The following AHSG variants were observed in gnomAD, a reference collection of about 807,000 sequenced individuals.
AHSG encodes the protein alpha-2-HS-glycoprotein.
In AHSG, 23 loss-of-function variants were observed where a neutral mutation model predicts 30.1. The ratio of observed to expected loss-of-function variants is 0.76; its 90% confidence interval spans 0.55 to 1.08. The LOEUF is 1.08. AHSG is among the 50% of genes least tolerant of loss of function. The pLI, the probability that AHSG is intolerant of heterozygous loss-of-function variation, is 0.00. For synonymous variants in AHSG, 164 were observed against 186.3 expected, an observed-to-expected ratio of 0.88 and a Z score of 0.98; for missense variants, 469 against 459.5, an observed-to-expected ratio of 1.02 and a Z score of -0.19.
At position 186,617,580 on chromosome 3, in the gene AHSG, G is replaced by C. The variant is rs140201269; in HGVS notation, c.573+230G>C. 409 of 738,178 alleles carry C rather than the reference G, an allele frequency of 5.5e-4. 1 individual carries two copies. The African/African-American group carries it at 6.7e-3, about 12-fold the overall frequency. 45.7% of individuals were successfully genotyped at this position (738,178 alleles called of 1,614,324 possible). ...CTCCCCCATGCTGAGCCACTGTAAC[G>C]TCCAGCAGCCACAGCTGCCGGCAGG... On this transcript the variant is annotated intron_variant, in intron 4 of 6. Transcript: ENST00000411641.
intron 3 of AHSG, among the ~76,000 whole-genome samples, chr3:186,616,750 A>T (rs762219044): frequency 2.6e-5 from 4 of 152,144 alleles, no homozygotes; most frequent in African/African-American, 9.7e-5. Context: ...CAGGTGGATC[A>T]CCTGAAGTCA....
chr3:186,620,454 T>C lies in AHSG; in HGVS notation c.760-132T>C, dbSNP rs77488848. 6.9e-4 allele frequency: 572 copies of C among 830,542 alleles called. 6 individuals are homozygous for C. In the Admixed American group the frequency reaches 0.01, roughly 15 times the overall value. The allele number at this position is 830,542 out of a possible 1,614,324, so 51.4% of individuals were successfully genotyped here. A position where few individuals can be genotyped will look rare whatever the true frequency, so the allele number is the denominator to read the frequency against. On this transcript the variant is annotated intron_variant, in intron 6 of 6. Coordinates refer to ENST00000411641, the MANE Select transcript of AHSG (RefSeq NM_001622.4). Reference sequence around the variant, plus strand: ...CAATCCCTTGTACTTGGGTAGGTCCTTTCTTGCTAGACTCTTTGCAAATAA... The same window carrying C: ...CAATCCCTTGTACTTGGGTAGGTCCCTTCTTGCTAGACTCTTTGCAAATAA...
At position 186,620,929 on chromosome 3, in the gene AHSG, A is replaced by G; in HGVS notation, c.1103A>G (p.Ter368TrpextTer70). 6.2e-7 allele frequency: 1 copy of G among 1,606,088 alleles called. No homozygotes were observed. Among genetic ancestry groups the G allele is most frequent in the Non-Finnish European group, 8.5e-7 (1 of 1,173,408 alleles). The change falls in exon 7 of 7, where the codon TAG becomes TGG. Residue 368 changes from the stop codon to tryptophan, a stop_lost. Coordinates refer to ENST00000411641, the MANE Select transcript of AHSG (RefSeq NM_001622.4). The part of the protein sequence containing the change: ...CPGRIRHFKV[*>W] ...GGGAGGATCAGACACTTCAAGGTCT[A>G]GGCTAGACATGGCAGAGATGAGGAG...
In AHSG at chr3:186,613,495, G is replaced by T. The variant is rs543877818; in HGVS notation, c.213+141G>T. 4 of 802,062 alleles carry T rather than the reference G, an allele frequency of 5.0e-6. No homozygotes were observed. In the African/African-American group the frequency reaches 5.2e-5, roughly 10 times the overall value. 49.7% of individuals were successfully genotyped at this position (802,062 alleles called of 1,614,324 possible). On this transcript the variant is annotated intron_variant, in intron 1 of 6. Transcript: ENST00000411641. Reference sequence around the variant, plus strand: ...ATTTCTTCCCAGGAGTGAGGGAAGGGGCAGGCAGAGGGCAGGAGAGGAGAC... The same window carrying T: ...ATTTCTTCCCAGGAGTGAGGGAAGGTGCAGGCAGAGGGCAGGAGAGGAGAC...
intron 4 of AHSG, chr3:186,617,974 C>G: frequency 6.3e-6 from 1 of 159,364 alleles, no homozygotes; most frequent in Non-Finnish European, 1.4e-5. Flanking sequence ...ATTCTCAGAA[C>G]ATCCCCACCC....
chr3:186,615,221 A>T (rs1437454439), intron 1 of AHSG, among the ~76,000 whole-genome samples: 2 of 152,150 alleles, frequency 1.3e-5, no homozygotes, highest in East Asian at 1.9e-4. Flanking sequence ...AGAGGAGATT[A>T]AAAAAAGACA....
At chr3:186,617,806 G>A (rs750856057) in intron 4 of AHSG, 2 of 243,510 alleles carry the variant, frequency 8.2e-6, no homozygotes, top group South Asian at 5.1e-5. Context: ...AATGCCTTTC[G>A]AGTCACTGGA....
At chr3:186,620,508 CA>C (rs1716447364) in intron 6 of AHSG, 77 bp from the exon 7 acceptor site, 1 of 1,261,578 alleles carries the variant, frequency 7.9e-7, no homozygotes, top group Admixed American at 2.2e-5. Context: ...AATTGGGTGC[CA>C]GTGCCACCTG....
intron 1 of AHSG, among the ~76,000 whole-genome samples, chr3:186,614,454 T>C (rs761474241): frequency 6.6e-6 from 1 of 152,194 alleles, no homozygotes; most frequent in Non-Finnish European, 1.5e-5. Context: ...ACAGGAAGCC[T>C]GGACCGACTG....
At position 186,620,528 on chromosome 3, in the gene AHSG, G is replaced by A. The variant is rs1332349202; in HGVS notation, c.760-58G>A. The A allele has an allele frequency of 2.0e-6, 3 of 1,466,762 alleles. No individual in the cohort carries two copies. In the East Asian group the frequency reaches 6.9e-5, roughly 34 times the overall value. 90.9% of individuals were successfully genotyped at this position (1,466,762 alleles called of 1,614,324 possible). On this transcript the variant is annotated intron_variant, in intron 6 of 6. Coordinates refer to ENST00000411641, the MANE Select transcript of AHSG (RefSeq NM_001622.4). ...GGTGCCAGTGCCACCTGGGCCTGTG[G>A]GTTGTCTTGCCTGGGAGGAGGAAGC...
At position 186,620,683 on chromosome 3, in the gene AHSG, C is replaced by T. The variant is rs1362200106; in HGVS notation, c.857C>T (p.Pro286Leu). ...DAPPSPPLGA[P>L]GLPPAGSPPD... The stretch of plus-strand genomic sequence containing the variant: ...CCTCCGTCCCCTCCACTTGGCGCAC[C>T]TGGACTCCCTCCAGCTGGCTCACCC... The change falls in exon 7 of 7, where the codon CCT becomes CTT. Residue 286 changes from proline to leucine, a missense_variant. By Grantham distance (98) the Pro-to-Leu change is moderately conservative. Transcript: ENST00000411641. 1 of 1,614,084 alleles carries T rather than the reference C, an allele frequency of 6.2e-7. No individual in the cohort carries two copies. Among genetic ancestry groups the T allele is most frequent in the East Asian group, 2.2e-5 (1 of 44,874 alleles).
chr3:186,618,825 A>G (rs377244156), intron 5 of AHSG, among the ~76,000 whole-genome samples, 188 bp downstream of exon 5: 3 of 152,194 alleles, frequency 2.0e-5, no homozygotes, highest in Non-Finnish European at 2.9e-5. Context: ...TCATCAAATC[A>G]TCTCACCCAC....
Position 186,617,336 on chromosome 3 carries a change from C to T in AHSG, c.559C>T (p.Arg187Trp), listed in dbSNP as rs778393456. Residue 187 changes from arginine to tryptophan, a missense_variant, in exon 4 of 7, where the codon CGG becomes TGG. By Grantham distance (101) the Arg-to-Trp change is moderately radical. Coordinates refer to ENST00000411641, the MANE Select transcript of AHSG (RefSeq NM_001622.4). ...CAATTTTCAGCTGGAGGAAATTTCC[C>T]GGGCTCAGCTTGTGGTAAAGACTGA... ...GSNFQLEEIS[R>W]AQLVPLPPST... 3.1e-6 allele frequency: 5 copies of T among 1,614,202 alleles called. No individual in the cohort carries two copies. The highest frequency in any genetic ancestry group is 2.2e-5 in the East Asian group (1 of 44,884).
chr3:186,617,616 C>A, intron 4 of AHSG: 1 of 569,770 alleles, frequency 1.8e-6, no homozygotes, highest in Non-Finnish European at 3.0e-6. Context: ...TACATCCCCA[C>A]TCCCTCCGTT....
Position 186,620,778 on chromosome 3 carries a change from C to A in AHSG, c.952C>A (p.His318Asn). ...GCACCGGGCGCACTACGACCTGCGCCACACCTTCATGGGTGTGGTCTCATT... is the reference window on the plus strand; with the variant it reads ...GCACCGGGCGCACTACGACCTGCGCAACACCTTCATGGGTGTGGTCTCATT... ...QLHRAHYDLRHTFMGVVSLGS... is the reference protein window; with the variant it reads ...QLHRAHYDLRNTFMGVVSLGS... The change falls in exon 7 of 7, where the codon CAC becomes AAC. Residue 318 changes from histidine (H) to asparagine (N), a missense_variant. By Grantham distance (68) the His-to-Asn change is moderately conservative (BLOSUM62 1). Transcript: ENST00000411641. The A allele has an allele frequency of 6.2e-7, 1 of 1,614,166 alleles. No homozygotes were observed. The highest frequency in any genetic ancestry group is 8.5e-7 in the Non-Finnish European group (1 of 1,180,026).
chr3:186,618,767 T>A, intron 5 of AHSG, 130 bp downstream of exon 5: 4 of 1,443,862 alleles, frequency 2.8e-6, no homozygotes, highest in Non-Finnish European at 3.7e-6. Flanking sequence ...TCCCTGTGGA[T>A]CACGGCAAGC....
chr3:186,616,297 T>A (rs1210919817), intron 2 of AHSG, 146 bp from the exon 3 acceptor site: 1 of 603,542 alleles, frequency 1.7e-6, no homozygotes, highest in Non-Finnish European at 3.0e-6. Context: ...TATCGTTGTA[T>A]CCCTGAAAGC....
chr3:186,615,208 G>A (rs1228836170), intron 1 of AHSG, among the ~76,000 whole-genome samples: 1 of 148,770 alleles, frequency 6.7e-6, no homozygotes, highest in African/African-American at 2.5e-5. Flanking sequence ...GAGAGGGAGG[G>A]ATAGAGGAGA....
chr3:186,621,089 T>C lies in AHSG; in HGVS notation c.*159T>C. The C allele has an allele frequency of 1.4e-6, 1 of 697,624 alleles. No individual in the cohort carries two copies. The highest frequency in any genetic ancestry group is 1.9e-5 in the South Asian group (1 of 52,084). The allele number at this position is 697,624 out of a possible 1,614,324, so 43.2% of individuals were successfully genotyped here. A position where few individuals can be genotyped will look rare whatever the true frequency, so the allele number is the denominator to read the frequency against. Reference sequence around the variant, plus strand: ...TTGACTCCCTACTTCCCGTCATTCCTCACAGGACAGAAGCAGAGTGGGTGG... The same window carrying C: ...TTGACTCCCTACTTCCCGTCATTCCCCACAGGACAGAAGCAGAGTGGGTGG... On this transcript the variant is annotated 3_prime_UTR_variant, in exon 7 of 7. Coordinates refer to ENST00000411641, the MANE Select transcript of AHSG (RefSeq NM_001622.4).
Sources: allele counts gnomAD v4.1 joint callset (sites outside exome capture counted in the v4.1 genomes callset), GRCh38; gene constraint gnomAD v4.1.1; transcripts MANE v1.5; gene names NCBI Gene and HGNC (gene_info 2026-07-23, HGNC 2026-07-21).